The following DAB1 variants were observed in gnomAD, a reference collection of about 807,000 sequenced individuals.
The protein encoded by DAB1 is disabled homolog 1.
In DAB1, 15 loss-of-function variants were observed where a neutral mutation model predicts 64.6. The observed-to-expected ratio is 0.23, with a 90% confidence interval of 0.16 to 0.36. The LOEUF (loss-of-function observed/expected upper bound fraction) is 0.36. Ranked by LOEUF, DAB1 falls within the 10% of genes least tolerant of loss-of-function variation. The pLI is 1.00. For missense variants in DAB1, 596 were observed against 706.7 expected (o/e 0.84, Z 1.78); for synonymous variants, 235 against 251.9 (o/e 0.93, Z 0.64).
chr1:57,745,897 C>A (rs887265113), intron 6 of DAB1, among the ~76,000 whole-genome samples: 1 of 152,128 alleles, frequency 6.6e-6, no homozygotes, highest in Admixed American at 6.5e-5. Context: ...TATGTACGAA[C>A]AACATAAGTT....
In DAB1 at chr1:58,325,159, C is replaced by A. The variant is rs569212991; in HGVS notation, n.309+18193G>T. On this transcript the variant is annotated intron_variant and non_coding_transcript_variant, in intron 4 of 20. Coordinates refer to the DAB1 transcript ENST00000485760. ...AATCCTGGGGCCCAGGTGATAAACC[C>A]CAAGCCTAAAGGAGCTGATTCACAG... is the stretch of plus-strand genomic sequence containing the variant. Among the ~76,000 whole-genome samples, 121 of 152,286 alleles carry A rather than the reference C, an allele frequency of 7.9e-4. 1 individual carries two copies. The highest frequency in any genetic ancestry group is 2.5e-3 in the African/African-American group (103 of 41,550).
At chr1:57,677,920 AG>A in intron 6 of DAB1, among the ~76,000 whole-genome samples, 1 of 152,300 alleles carries the variant, frequency 6.6e-6, no homozygotes, top group Middle Eastern at 3.4e-3. Flanking sequence ...GGGATCTGGT[AG>A]GTTATATTAG....
intron 6 of DAB1, among the ~76,000 whole-genome samples, chr1:57,684,465 T>A (rs1195105771): frequency 6.6e-6 from 1 of 152,082 alleles, no homozygotes; most frequent in Non-Finnish European, 1.5e-5. Context: ...AGATTGGGGA[T>A]CTATTTTCAG....
intron 4 of DAB1, among the ~76,000 whole-genome samples, chr1:58,162,649 A>C (rs1264248354): frequency 1.3e-5 from 2 of 152,180 alleles, no homozygotes; most frequent in Non-Finnish European, 2.9e-5. Context: ...TTATTTTTCA[A>C]TTATTCTGTT....
chr1:57,998,161 C>T (rs991065773), intron 5 of DAB1, among the ~76,000 whole-genome samples: 15 of 152,170 alleles, frequency 9.9e-5, no homozygotes, highest in African/African-American at 1.9e-4. Context: ...TATAAACACA[C>T]GTAGGTATAG....
intron 7 of DAB1, among the ~76,000 whole-genome samples, chr1:57,532,096 G>A (rs1026842679): frequency 4.6e-5 from 7 of 152,202 alleles, no homozygotes; most frequent in Middle Eastern, 3.4e-3. Flanking sequence ...TAATTTAACA[G>A]TTGGGCTCTT....
chr1:58,325,164 C>T (rs1399452733), intron 4 of DAB1, among the ~76,000 whole-genome samples: 1 of 152,116 alleles, frequency 6.6e-6, no homozygotes, highest in Non-Finnish European at 1.5e-5. Flanking sequence ...AAACCCCAAG[C>T]CTAAAGGAGC....
intron 5 of DAB1, among the ~76,000 whole-genome samples, chr1:57,951,483 C>CT (rs1192904681): frequency 6.6e-6 from 1 of 151,684 alleles, no homozygotes; most frequent in Non-Finnish European, 1.5e-5. Flanking sequence ...TTGCAAAGCT[C>CT]TTTACAGAAA....
chr1:58,111,119 T>C (rs530126086), intron 5 of DAB1, among the ~76,000 whole-genome samples: 4 of 152,342 alleles, frequency 2.6e-5, no homozygotes, highest in Admixed American at 2.6e-4. Context: ...TCAATACAAA[T>C]AGCACAAGTC....
chr1:57,913,285 T>A (rs1328880373), intron 5 of DAB1, among the ~76,000 whole-genome samples: 2 of 151,972 alleles, frequency 1.3e-5, no homozygotes, highest in African/African-American at 4.8e-5. Context: ...TCAGAAATAA[T>A]GCCACACATC....
intron 5 of DAB1, among the ~76,000 whole-genome samples, chr1:57,913,022 G>C (rs1644670961): frequency 6.6e-6 from 1 of 152,158 alleles, no homozygotes; most frequent in Admixed American, 6.5e-5. Flanking sequence ...TACTGTGCAA[G>C]GTAATTTATA....
At chr1:57,786,889 T>C (rs1270498993) in intron 6 of DAB1, among the ~76,000 whole-genome samples, 1 of 152,204 alleles carries the variant, frequency 6.6e-6, no homozygotes, top group Non-Finnish European at 1.5e-5. Flanking sequence ...AATATCATTA[T>C]GGTTTTCTTC....
At chr1:58,349,863 G>C (rs1245585234) in intron 3 of DAB1, among the ~76,000 whole-genome samples, 1 of 152,116 alleles carries the variant, frequency 6.6e-6, no homozygotes, top group Non-Finnish European at 1.5e-5. Context: ...ATCATTGATG[G>C]GCATTTAGGT....
chr1:57,841,443 C>G (rs1476137304), intron 1 of DAB1, among the ~76,000 whole-genome samples: 2 of 152,200 alleles, frequency 1.3e-5, no homozygotes, highest in Non-Finnish European at 2.9e-5. Context: ...TGCTCCAATC[C>G]CACATTTCCC....
intron 7 of DAB1, among the ~76,000 whole-genome samples, chr1:57,644,563 A>G (rs977666632): frequency 6.6e-6 from 1 of 151,974 alleles, no homozygotes; most frequent in African/African-American, 2.4e-5. Context: ...ATGCATATAT[A>G]TATACACACA....
chr1:58,300,646 G>GAAAGGA (rs1553173953), intron 4 of DAB1, among the ~76,000 whole-genome samples: 132 of 57,242 alleles, frequency 2.3e-3, no homozygotes, highest in Middle Eastern at 7.9e-3. Context: ...GAGAGAGAGA[G>GAAAGGA]AGGAAGGAAG....
intron 1 of DAB1, among the ~76,000 whole-genome samples, chr1:57,832,413 G>A (rs1197022381): frequency 6.6e-6 from 1 of 152,192 alleles, no homozygotes; most frequent in African/African-American, 2.4e-5. Context: ...CTATGGAGAC[G>A]TATAGAGAAA....
chr1:57,052,404 C>T (rs1292257927), intron 9 of DAB1, among the ~76,000 whole-genome samples: 2 of 152,140 alleles, frequency 1.3e-5, no homozygotes, highest in Non-Finnish European at 2.9e-5. Context: ...TGATTTCAAG[C>T]TCTCAGAAAG....
chr1:57,439,117 T>C (rs1685811308), intron 7 of DAB1, among the ~76,000 whole-genome samples: 1 of 152,178 alleles, frequency 6.6e-6, no homozygotes, highest in Non-Finnish European at 1.5e-5. Context: ...GCAGAAATAC[T>C]GAGGTGAAAA....
Sources: allele counts gnomAD v4.1 joint callset (sites outside exome capture counted in the v4.1 genomes callset), GRCh38; gene constraint gnomAD v4.1.1; transcripts MANE v1.5; gene names NCBI Gene and HGNC (gene_info 2026-07-23, HGNC 2026-07-21).